The following LRRC3B variants were observed in gnomAD, a reference collection of about 807,000 sequenced individuals.
LRRC3B encodes the protein leucine rich repeat containing 3B, also known as leucine-rich repeat-containing protein 3B.
Under a neutral mutation model 12.8 loss-of-function variants are expected in LRRC3B, and 2 were observed. The observed-to-expected ratio is 0.16, with a 90% confidence interval of 0.06 to 0.49. The LOEUF is 0.49. Ranked by LOEUF, LRRC3B falls within the 20% of genes least tolerant of loss-of-function variation. The pLI is 0.96. For synonymous variants in LRRC3B, 132 were observed against 122.0 expected (o/e 1.08, Z -0.54); for missense variants, 189 against 319.4 (o/e 0.59, Z 3.11).
At chr3:26,627,094 G>A (rs541938793) in intron 1 of LRRC3B, among the ~76,000 whole-genome samples, 7 of 152,294 alleles carry the variant, frequency 4.6e-5, no homozygotes, top group African/African-American at 1.2e-4. Flanking sequence ...TGTCACTTCC[G>A]ATAATATTTG....
chr3:26,637,767 CAAT>C (rs148175554), intron 1 of LRRC3B, among the ~76,000 whole-genome samples: 5,189 of 152,196 alleles, frequency 0.034, 165 homozygotes, highest in East Asian at 0.13. Flanking sequence ...AAGAGCAAGA[CAAT>C]AATAACACAA....
At chr3:26,710,679 C>T in exon 2 of LRRC3B, 1 of 419,462 alleles carries the variant, frequency 2.4e-6, no homozygotes, top group Non-Finnish European at 4.4e-6. Context: ...GAGTAAGCTA[C>T]TATCTGAACA....
intron 1 of LRRC3B, among the ~76,000 whole-genome samples, chr3:26,690,963 T>C (rs1700175989): frequency 6.6e-6 from 1 of 151,356 alleles, no homozygotes; most frequent in Non-Finnish European, 1.5e-5. Context: ...ATTAGTTGAT[T>C]GGCTTTTCCA....
chr3:26,645,181 G>A (rs1461061442), intron 1 of LRRC3B, among the ~76,000 whole-genome samples: 1 of 152,142 alleles, frequency 6.6e-6, no homozygotes, highest in African/African-American at 2.4e-5. Flanking sequence ...TAGACTTTTT[G>A]AGTTAAAGAA....
At chr3:26,644,839 C>G (rs975408578) in intron 1 of LRRC3B, among the ~76,000 whole-genome samples, 1 of 152,140 alleles carries the variant, frequency 6.6e-6, no homozygotes, top group Non-Finnish European at 1.5e-5. Context: ...ATATCAATGT[C>G]TACAACTAAC....
chr3:26,631,195 C>G (rs1262011604), intron 1 of LRRC3B, among the ~76,000 whole-genome samples: 1 of 152,186 alleles, frequency 6.6e-6, no homozygotes, highest in Non-Finnish European at 1.5e-5. Context: ...CCTCCTGGAT[C>G]CTGGCCCGAT....
chr3:26,637,189 T>C (rs1575115666), intron 1 of LRRC3B, among the ~76,000 whole-genome samples: 1 of 151,772 alleles, frequency 6.6e-6, no homozygotes, highest in African/African-American at 2.4e-5. Flanking sequence ...AGGGTTTCAC[T>C]GTGTTGGCCA....
At chr3:26,628,405 A>C (rs1197832667) in intron 1 of LRRC3B, among the ~76,000 whole-genome samples, 3 of 123,406 alleles carry the variant, frequency 2.4e-5, no homozygotes, top group Non-Finnish European at 3.3e-5. Context: ...CTGTAGAAAG[A>C]GTTTGAAGAA....
intron 1 of LRRC3B, among the ~76,000 whole-genome samples, chr3:26,626,108 G>C (rs1203088575): frequency 6.6e-6 from 1 of 152,194 alleles, no homozygotes; most frequent in Admixed American, 6.5e-5. Flanking sequence ...CCTGGCCTGT[G>C]AGCCCCTGTG....
intron 1 of LRRC3B, among the ~76,000 whole-genome samples, chr3:26,677,242 C>T (rs1699878717): frequency 6.6e-6 from 1 of 151,824 alleles, no homozygotes; most frequent in Non-Finnish European, 1.5e-5. Flanking sequence ...ACAAGGAAGC[C>T]ATGTTTTTTT....
intron 1 of LRRC3B, among the ~76,000 whole-genome samples, chr3:26,693,328 C>CAA (rs71950080): frequency 0.039 from 3,707 of 95,246 alleles, 128 homozygotes; most frequent in East Asian, 0.093. Context: ...AACTCCGTCT[C>CAA]AAAAAAAAAA....
intron 1 of LRRC3B, among the ~76,000 whole-genome samples, chr3:26,650,662 G>A (rs749787252): frequency 4.5e-4 from 69 of 151,864 alleles, no homozygotes; most frequent in Non-Finnish European, 7.5e-4. Context: ...ATATTTTGTT[G>A]TAGTAGTTAC....
chr3:26,693,269 C>CAGTG (rs1700231128), intron 1 of LRRC3B, among the ~76,000 whole-genome samples: 1 of 141,184 alleles, frequency 7.1e-6, no homozygotes, highest in Non-Finnish European at 1.5e-5. Flanking sequence ...GCGGAGCTTG[C>CAGTG]AGTGAGTCGA....
chr3:26,701,073 GATTGTCCTA>G (rs781757685), intron 1 of LRRC3B, among the ~76,000 whole-genome samples: 2 of 152,066 alleles, frequency 1.3e-5, no homozygotes, highest in Non-Finnish European at 2.9e-5. Flanking sequence ...CTAGATAATA[GATTGTCCTA>G]ATATTATTTT....
In LRRC3B at chr3:26,696,138, T is replaced by G. The variant is rs1330106819; in HGVS notation, c.-160-13375T>G. Among the ~76,000 whole-genome samples, 3 of 152,176 alleles carry G rather than the reference T, an allele frequency of 2.0e-5. No homozygotes were observed. In the East Asian group the frequency reaches 5.8e-4, roughly 29 times the overall value. ...TAAATAGATCTAACATATAACCCCA[T>G]TCACTGAGGTACTATGCAGGCATTA... On this transcript the variant is annotated intron_variant, in intron 1 of 1. Transcript: ENST00000396641.
intron 1 of LRRC3B, among the ~76,000 whole-genome samples, chr3:26,698,802 C>G (rs1168333666): frequency 6.6e-6 from 1 of 152,078 alleles, no homozygotes; most frequent in Non-Finnish European, 1.5e-5. Context: ...GTATGTTCCT[C>G]TTAAGAACAA....
chr3:26,688,908 G>T (rs983445276), intron 1 of LRRC3B, among the ~76,000 whole-genome samples: 1 of 152,140 alleles, frequency 6.6e-6, no homozygotes, highest in Non-Finnish European at 1.5e-5. Flanking sequence ...ACAAATAATT[G>T]TTGGTCACTT....
At chr3:26,672,411 T>G (rs996054259) in intron 1 of LRRC3B, among the ~76,000 whole-genome samples, 8 of 152,176 alleles carry the variant, frequency 5.3e-5, no homozygotes, top group African/African-American at 1.9e-4. Context: ...TATGAAAATA[T>G]CTCCTCATAA....
At chr3:26,631,992 G>C (rs1399530937) in intron 1 of LRRC3B, among the ~76,000 whole-genome samples, 1 of 152,150 alleles carries the variant, frequency 6.6e-6, no homozygotes, top group African/African-American at 2.4e-5. Context: ...TCTTTGCTTA[G>C]GGCTTCCAGC....
Sources: allele counts gnomAD v4.1 joint callset (sites outside exome capture counted in the v4.1 genomes callset), GRCh38; gene constraint gnomAD v4.1.1; transcripts MANE v1.5; gene names NCBI Gene and HGNC (gene_info 2026-07-23, HGNC 2026-07-21).